The following PMP22 variants were observed in gnomAD, a reference collection of about 807,000 sequenced individuals.
PMP22 encodes Charcot-Marie-Tooth neuropathy 1A (greatly reduced nerve conduction velocity, hereditary motor sensory neuropathy Ia).
Under a neutral mutation model 18.9 loss-of-function variants are expected in PMP22, and 2 were observed. That is an observed-to-expected ratio of 0.11 (90% CI 0.04 to 0.33). The LOEUF (loss-of-function observed/expected upper bound fraction) is 0.33. Among genes scored for constraint, PMP22 ranks in the 10% least tolerant of loss-of-function variants. The pLI is 1.00. For missense variants in PMP22, 169 were observed against 202.2 expected (o/e 0.84, Z 1.00); for synonymous variants, 95 against 89.2 (o/e 1.07, Z -0.37).
At position 15,235,219 on chromosome 17, in the gene PMP22, T is replaced by C. The variant is rs1906694081; in HGVS notation, c.320-4139A>G. 3 of 717,420 alleles carry C rather than the reference T, an allele frequency of 4.2e-6. No individual in the cohort carries two copies. The South Asian group carries it at 4.4e-5, about 11-fold the overall frequency. The allele number at this position is 717,420 out of a possible 1,614,324, so 44.4% of individuals were successfully genotyped here. A position where few individuals can be genotyped will look rare whatever the true frequency, so the allele number is the denominator to read the frequency against. ...AAAAGAGAGAGAAAGTGAAACTCAC[T>C]CAGGAGTCCCCTCTATTCTTTCTGT... On this transcript the variant is annotated intron_variant, in intron 4 of 4. Transcript: ENST00000312280.
At chr17:15,244,082 CAA>C (rs1907581935) in intron 3 of PMP22, among the ~76,000 whole-genome samples, 1 of 151,912 alleles carries the variant, frequency 6.6e-6, no homozygotes, top group Admixed American at 6.6e-5. Context: ...ACAGACAGAA[CAA>C]AGAGAAAACA....
At chr17:15,234,460 G>A (rs1292163248) in intron 4 of PMP22, among the ~76,000 whole-genome samples, 1 of 152,214 alleles carries the variant, frequency 6.6e-6, no homozygotes, top group Non-Finnish European at 1.5e-5. Context: ...ACTGGAAGGT[G>A]CAGCTATGAT....
intron 2 of PMP22, 110 bp downstream of exon 2, chr17:15,260,540 G>T: frequency 1.1e-6 from 1 of 937,084 alleles, no homozygotes; most frequent in South Asian, 1.4e-5. Context: ...GGACGTCTGA[G>T]ACTTCCAACT....
intron 1 of PMP22, among the ~76,000 whole-genome samples, chr17:15,263,492 G>A (rs953403428): frequency 1.3e-5 from 2 of 152,214 alleles, no homozygotes; most frequent in Middle Eastern, 3.4e-3. Flanking sequence ...AGACTCCCGT[G>A]CGCAGGCCAG....
intron 4 of PMP22, among the ~76,000 whole-genome samples, chr17:15,237,093 C>T (rs1187917759): frequency 2.0e-5 from 3 of 152,196 alleles, no homozygotes; most frequent in South Asian, 2.1e-4. Flanking sequence ...CTTTTACATT[C>T]GGAATTCTGC....
Position 15,239,556 on chromosome 17 carries a change from C to T in PMP22, c.234G>A (p.Leu78=), listed in dbSNP as rs745546543. Reference sequence around the variant, plus strand: ...GTTGGCAGAAGAACAGGAACAGAGACAGAATGCTGAAGATGATCGACAGGA... The same window carrying T: ...GTTGGCAGAAGAACAGGAACAGAGATAGAATGCTGAAGATGATCGACAGGA... ...TMILSIIFSI[L]SLFLFFCQLF... Residue 78 remains leucine, a synonymous_variant, in exon 4 of 5, where the codon CTG becomes CTA. Coordinates refer to ENST00000312280, the MANE Select transcript of PMP22 (RefSeq NM_000304.4). 1.2e-5 allele frequency: 20 copies of T among 1,613,910 alleles called. No individual in the cohort carries two copies. The highest frequency in any genetic ancestry group is 2.2e-5 in the East Asian group (1 of 44,884).
chr17:15,253,617 G>T (rs1053572668), intron 3 of PMP22, among the ~76,000 whole-genome samples: 1 of 151,902 alleles, frequency 6.6e-6, no homozygotes, highest in African/African-American at 2.4e-5. Context: ...TAGTGGGGGT[G>T]GGGGGTACCT....
chr17:15,233,375 G>T lies in PMP22; in HGVS notation c.320-2295C>A, dbSNP rs959869952. ...CTGACCCTGTCCAGACAATACAAATGTGCTGAGCATTCAACTTACAAGAGT... is the reference window on the plus strand; with the variant it reads ...CTGACCCTGTCCAGACAATACAAATTTGCTGAGCATTCAACTTACAAGAGT... On this transcript the variant is annotated intron_variant, in intron 4 of 4. Transcript: ENST00000312280. Among the ~76,000 whole-genome samples the T allele has an allele frequency of 3.3e-5, 5 of 152,368 alleles. No homozygotes were observed. In the South Asian group the frequency reaches 1.0e-3, roughly 32 times the overall value.
chr17:15,258,969 C>T lies in PMP22; in HGVS notation c.178+125G>A. The T allele has an allele frequency of 2.7e-6, 2 of 754,618 alleles. No individual in the cohort carries two copies. The highest frequency in any genetic ancestry group is 4.7e-6 in the Non-Finnish European group (2 of 424,614). 46.7% of individuals were successfully genotyped at this position (754,618 alleles called of 1,614,324 possible). ...TCCCTGGACTCATGGCTCCCTGTCA[C>T]ATCCCACCCCACCCCAGCAACGACA... is the stretch of plus-strand genomic sequence containing the variant. On this transcript the variant is annotated intron_variant, in intron 3 of 4. Transcript: ENST00000312280. The surrounding 1 kb of genome is among the most constrained non-coding windows in gnomAD (Gnocchi z 4.1).
At chr17:15,239,876 CAT>C (rs1487263543) in intron 3 of PMP22, among the ~76,000 whole-genome samples, 2 of 152,206 alleles carry the variant, frequency 1.3e-5, no homozygotes, top group African/African-American at 2.4e-5. Context: ...CAAACACACA[CAT>C]GTGCCAATAT....
At chr17:15,242,301 T>C (rs1430409023) in intron 3 of PMP22, among the ~76,000 whole-genome samples, 1 of 136,958 alleles carries the variant, frequency 7.3e-6, no homozygotes, top group Non-Finnish European at 1.6e-5. Context: ...TATATTCTAA[T>C]ATAATAGATA....
chr17:15,234,743 C>G (rs1324336179), intron 4 of PMP22, among the ~76,000 whole-genome samples: 1 of 152,090 alleles, frequency 6.6e-6, no homozygotes, highest in Non-Finnish European at 1.5e-5. Flanking sequence ...TGGTATTTGA[C>G]TTAAGCCACC....
intron 4 of PMP22, among the ~76,000 whole-genome samples, chr17:15,238,988 T>C (rs1474868983): frequency 6.6e-6 from 1 of 152,154 alleles, no homozygotes; most frequent in Non-Finnish European, 1.5e-5. Context: ...AGGTGAGAAT[T>C]TGTCAGTGTG....
chr17:15,261,603 C>G lies in PMP22; in HGVS notation c.-34-842G>C, dbSNP rs946757098. 38 of 152,484 alleles carry G rather than the reference C, an allele frequency of 2.5e-4. No homozygotes were observed. Among genetic ancestry groups the G allele is most frequent in the African/African-American group, 8.9e-4 (37 of 41,560 alleles). The allele number at this position is 152,484 out of a possible 1,614,324, so 9.4% of individuals were successfully genotyped here. Reference sequence around the variant, plus strand: ...CAGGCACTCAAAGCCAGGACACGAACCCCAACAAGCCTGAGCTCCGGTCTG... The same window carrying G: ...CAGGCACTCAAAGCCAGGACACGAAGCCCAACAAGCCTGAGCTCCGGTCTG... On this transcript the variant is annotated intron_variant, in intron 1 of 4. Transcript: ENST00000312280. This position sits in a 1 kb window ranked among gnomAD's most constrained non-coding sequence, Gnocchi z 5.2.
At chr17:15,236,275 C>T (rs1906805054) in intron 4 of PMP22, among the ~76,000 whole-genome samples, 1 of 152,160 alleles carries the variant, frequency 6.6e-6, no homozygotes, top group Non-Finnish European at 1.5e-5. Flanking sequence ...ACACACAGAG[C>T]TGTAATCTAG....
chr17:15,231,595 C>T (rs1396783331), intron 4 of PMP22, among the ~76,000 whole-genome samples: 1 of 152,218 alleles, frequency 6.6e-6, no homozygotes, highest in Non-Finnish European at 1.5e-5. Context: ...GTCCCCCTAA[C>T]AGAGTTGCCA....
chr17:15,259,142 T>A lies in PMP22; in HGVS notation c.130A>T (p.Thr44Ser), dbSNP rs112651887. 9.3e-6 allele frequency: 15 copies of A among 1,613,800 alleles called. No individual in the cohort carries two copies. In the East Asian group the frequency reaches 2.2e-4, roughly 24 times the overall value. Residue 44 changes from threonine to serine, a missense_variant, in exon 3 of 5, where the codon ACC becomes TCC. Transcript: ENST00000312280. ...TGGTGGACATTTCCTGAGGAAGAGG[T>A]GCTACAGTTCTGCCAGAGATCAGTT... Reference protein sequence around the residue: ...HATDLWQNCSTSSSGNVHHCF... With the variant: ...HATDLWQNCSSSSSGNVHHCF...
At chr17:15,234,137 C>T (rs185465553) in intron 4 of PMP22, among the ~76,000 whole-genome samples, 21 of 152,164 alleles carry the variant, frequency 1.4e-4, no homozygotes, top group Middle Eastern at 3.4e-3. Context: ...GTAATGCCTA[C>T]GGAGGATGCT....
chr17:15,246,019 C>A (rs895169824), intron 3 of PMP22, among the ~76,000 whole-genome samples: 101 of 128,976 alleles, frequency 7.8e-4, no homozygotes, highest in Middle Eastern at 3.8e-3. Context: ...AGACTCGTCT[C>A]AAAAAAAAAA....
Sources: allele counts gnomAD v4.1 joint callset (sites outside exome capture counted in the v4.1 genomes callset), GRCh38; gene constraint gnomAD v4.1.1; non-coding constraint Gnocchi (gnomAD v3.1); transcripts MANE v1.5; gene names NCBI Gene and HGNC (gene_info 2026-07-23, HGNC 2026-07-21).